KRT84: variants seen among roughly 807,000 people sequenced by gnomAD.
KRT84 encodes keratin 84.
KRT84 carries 38 observed loss-of-function variants against 49.0 expected under a neutral mutation model. The observed-to-expected ratio is 0.78, with a 90% CI of 0.60 to 1.02. The LOEUF is 1.02. Among genes scored for constraint, KRT84 ranks in the 50% least tolerant of loss-of-function variants. KRT84 has a pLI of 0.00. For missense variants in KRT84, 860 were observed against 788.6 expected (o/e 1.09, Z -1.08); for synonymous variants, 334 against 312.8 (o/e 1.07, Z -0.72).
In KRT84 at chr12:52,385,121, G is replaced by T. The variant is rs1351242048; in HGVS notation, c.465C>A (p.Asp155Glu). 8 of 1,599,482 alleles carry T rather than the reference G, an allele frequency of 5.0e-6. No individual in the cohort carries two copies. The highest frequency in any genetic ancestry group is 4.3e-6 in the Non-Finnish European group (5 of 1,172,886). Residue 155 changes from aspartate (D) to glutamate (E), a missense_variant, in exon 1 of 9, where the codon GAC becomes GAA. Transcript: ENST00000257951. ...SLLTPLNLEI[D>E]PNAQRVKKDE... Reference sequence around the variant, plus strand: ...CCTTCTTCACCCTCTGGGCATTGGGGTCAATCTCCAGGTTGAGGGGGGTCA... The same window carrying T: ...CCTTCTTCACCCTCTGGGCATTGGGTTCAATCTCCAGGTTGAGGGGGGTCA...
chr12:52,380,604 A>C (rs1939466294), intron 6 of KRT84, 21 bp from the exon 7 acceptor site: 1 of 1,587,672 alleles, frequency 6.3e-7, no homozygotes. Context: ...GGCAGTTTGC[A>C]GGTAGGCTTC....
At position 52,381,205 on chromosome 12, in the gene KRT84, A is replaced by G. The variant is rs768099089; in HGVS notation, c.1078T>C (p.Tyr360His). 6.2e-7 allele frequency: 1 copy of G among 1,613,972 alleles called. No homozygotes were observed. The highest frequency in any genetic ancestry group is 2.2e-5 in the East Asian group (1 of 44,862). The change falls in exon 6 of 9, where the codon TAT becomes CAT. Residue 360 changes from tyrosine (Y) to histidine (H), a missense_variant and splice_region_variant. Coordinates refer to ENST00000257951, the MANE Select transcript of KRT84 (RefSeq NM_033045.4). ...ADAEAWYQTKYEEMQVTAGQH... is the reference protein window; with the variant it reads ...ADAEAWYQTKHEEMQVTAGQH... ...CCAGCTGTCACCTGCATCTCTTCAT[A>G]CTGCGGAGAGAGGAGGGTATTTTGA...
rs1246233126 is a variant in KRT84 at position 52,385,141 on chromosome 12, G to A, written c.445C>T (p.Pro149Ser). ...AVTVNKSLLT[P>S]LNLEIDPNAQ... ...TTGGGGTCAATCTCCAGGTTGAGGG[G>A]GGTCAGTAGGCTCTTGTTCACAGTC... The change falls in exon 1 of 9, where the codon CCC becomes TCC. Residue 149 changes from proline (P) to serine (S), a missense_variant. Pro to Ser is a moderately conservative substitution (Grantham distance 74, BLOSUM62 -1). Transcript: ENST00000257951. 8.8e-6 allele frequency: 14 copies of A among 1,598,258 alleles called. No individual in the cohort carries two copies. The highest frequency in any genetic ancestry group is 2.7e-5 in the African/African-American group (2 of 74,672).
intron 5 of KRT84, 54 bp from the exon 6 acceptor site, chr12:52,381,259 C>T: frequency 1.2e-6 from 2 of 1,610,272 alleles, no homozygotes; most frequent in South Asian, 2.2e-5. Flanking sequence ...AGGATCACAG[C>T]CCCCACTGAG....
intron 8 of KRT84, among the ~76,000 whole-genome samples, chr12:52,378,843 G>T (rs1467701837): frequency 6.6e-6 from 1 of 152,122 alleles, no homozygotes; most frequent in Non-Finnish European, 1.5e-5. Flanking sequence ...CTAGTCCCTT[G>T]TCGCCTCTCT....
At chr12:52,381,741 C>A (rs571710088) in intron 4 of KRT84, among the ~76,000 whole-genome samples, 1 of 152,338 alleles carries the variant, frequency 6.6e-6, no homozygotes, top group African/African-American at 2.4e-5. Flanking sequence ...TCAGAAACAT[C>A]CCTTTAACAC....
intron 1 of KRT84, 147 bp from the exon 2 acceptor site, chr12:52,383,945 A>C: frequency 1.5e-6 from 1 of 665,632 alleles, no homozygotes; most frequent in Non-Finnish European, 2.5e-6. Flanking sequence ...CTAACTCAGC[A>C]GAAGCTGGAA....
intron 2 of KRT84, 92 bp from the exon 3 acceptor site, chr12:52,383,157 C>A: frequency 1.9e-6 from 2 of 1,036,634 alleles, no homozygotes; most frequent in South Asian, 1.3e-5. Flanking sequence ...ATCTCTCAGT[C>A]TGTGCAGGAT....
At chr12:52,381,614 G>A in intron 4 of KRT84, 89 bp from the exon 5 acceptor site, 1 of 1,268,564 alleles carries the variant, frequency 7.9e-7, no homozygotes, top group South Asian at 1.4e-5. Context: ...AGTGGTGCCA[G>A]GGGCAGAGAG....
Position 52,381,133 on chromosome 12 carries a change from G to A in KRT84, c.1150C>T (p.Leu384=), listed in dbSNP as rs1054785716. The change falls in exon 6 of 9, where the codon CTG becomes TTG. Residue 384 remains leucine (L), a synonymous_variant. Coordinates refer to ENST00000257951, the MANE Select transcript of KRT84 (RefSeq NM_033045.4). ...LRNIRNEINE[L]TRLIQRLKAE... Reference sequence around the variant, plus strand: ...TTAAGCCTCTGGATCAGGCGGGTCAGTTCGTTGATCTCGTTCCGTATGTTG... The same window carrying A: ...TTAAGCCTCTGGATCAGGCGGGTCAATTCGTTGATCTCGTTCCGTATGTTG... 1.9e-6 allele frequency: 3 copies of A among 1,614,032 alleles called. No homozygotes were observed. In the African/African-American group the frequency reaches 4.0e-5, roughly 22 times the overall value.
At position 52,383,039 on chromosome 12, in the gene KRT84, G is replaced by A. The variant is rs1318750156; in HGVS notation, c.782C>T (p.Ala261Val). ...AGCCACAAACTCATTCTCAGCATTG[G>A]CCCGACATACCACTTCCTCTTCATA... ...KKYEEEVVCR[A>V]NAENEFVALK... The change falls in exon 3 of 9, where the codon GCC becomes GTC. Residue 261 changes from alanine (A) to valine (V), a missense_variant. Coordinates refer to ENST00000257951, the MANE Select transcript of KRT84 (RefSeq NM_033045.4). 6.2e-7 allele frequency: 1 copy of A among 1,613,700 alleles called. No homozygotes were observed. Among genetic ancestry groups the A allele is most frequent in the African/African-American group, 1.3e-5 (1 of 74,844 alleles).
intron 4 of KRT84, 120 bp from the exon 5 acceptor site, chr12:52,381,645 A>G (rs1337213793): frequency 1.0e-6 from 1 of 964,218 alleles, no homozygotes; most frequent in African/African-American, 1.6e-5. Flanking sequence ...TGGTTCATAA[A>G]AAAGCAAGAC....
chr12:52,378,435 A>G (rs1049763608), intron 8 of KRT84, 55 bp from the exon 9 acceptor site: 11 of 1,350,096 alleles, frequency 8.1e-6, no homozygotes, highest in East Asian at 2.7e-5. Context: ...CTCCACCTCC[A>G]TGCTACCCCT....
chr12:52,382,731 A>G (rs774722720), intron 3 of KRT84, among the ~76,000 whole-genome samples, 199 bp from the exon 4 acceptor site: 1 of 152,198 alleles, frequency 6.6e-6, no homozygotes, highest in Non-Finnish European at 1.5e-5. Context: ...ACATTTCCTG[A>G]TGTTCAGTTA....
chr12:52,384,110 T>G (rs1260622569), intron 1 of KRT84, among the ~76,000 whole-genome samples: 4 of 152,246 alleles, frequency 2.6e-5, no homozygotes, highest in African/African-American at 9.6e-5. Flanking sequence ...CTATTTAAGC[T>G]CTGGTTTGCC....
chr12:52,378,203 TC>T lies in KRT84; in HGVS notation c.1633del (p.Asp545ThrfsTer3). 6.3e-7 allele frequency: 1 copy of T among 1,575,842 alleles called. No individual in the cohort carries two copies. Among genetic ancestry groups the T allele is most frequent in the Non-Finnish European group, 8.6e-7 (1 of 1,161,888 alleles). On this transcript the variant is annotated frameshift_variant, in exon 9 of 9. Transcript: ENST00000257951. LOFTEE classifies it low-confidence loss of function (END_TRUNC). The stretch of plus-strand genomic sequence containing the variant: ...ACTCCTTGTGCCAGTGCTCAGCAGG[TC>T]CCCAGTGGCCGGGGCGACCCGGGCT... ...GGARVAPATG[D>X]LLSTGTRSGS...
chr12:52,379,912 A>C lies in KRT84; in HGVS notation c.1425-5T>G, dbSNP rs200026351. The C allele has an allele frequency of 9.1e-5, 147 of 1,611,032 alleles. No homozygotes were observed. Among genetic ancestry groups the C allele is most frequent in the Admixed American group, 1.3e-4 (8 of 59,964 alleles). On this transcript the variant is annotated splice_region_variant and splice_polypyrimidine_tract_variant and intron_variant, in intron 7 of 8. Transcript: ENST00000257951. ...GGTCCAACACCTTCACAGAGCCTGGAAAGGGGAAGAAACAAATCATTTCAC... is the reference window on the plus strand; with the variant it reads ...GGTCCAACACCTTCACAGAGCCTGGCAAGGGGAAGAAACAAATCATTTCAC...
chr12:52,378,136 G>A lies in KRT84; in HGVS notation c.1701C>T (p.Pro567=). ...LISEACVPSV[P]CPLPTQGGFS... ...AGCCCCCCTGGGTGGGCAGGGGGCA[G>A]GGGACGCTGGGGACACAGGCCTCGC... Residue 567 remains proline (P), a synonymous_variant, in exon 9 of 9, where the codon CCC becomes CCT. Transcript: ENST00000257951. 6.4e-7 allele frequency: 1 copy of A among 1,561,502 alleles called. No individual in the cohort carries two copies. The highest frequency in any genetic ancestry group is 8.7e-7 in the Non-Finnish European group (1 of 1,156,040).
chr12:52,384,809 A>C, intron 1 of KRT84, among the ~76,000 whole-genome samples: 1 of 152,160 alleles, frequency 6.6e-6, no homozygotes, highest in East Asian at 1.9e-4. Context: ...CCTCCAGAAG[A>C]TATCAACACT....
Sources: allele counts gnomAD v4.1 joint callset (sites outside exome capture counted in the v4.1 genomes callset), GRCh38; gene constraint gnomAD v4.1.1; transcripts MANE v1.5; gene names NCBI Gene and HGNC (gene_info 2026-07-23, HGNC 2026-07-21).